Variants in DMD observed in about 807,000 individuals in gnomAD.
The protein encoded by DMD is dystrophin, also known as mutant dystrophin.
In DMD, 63 loss-of-function variants were observed where a neutral mutation model predicts 330.1. That is an observed-to-expected ratio of 0.19 (90% CI 0.16 to 0.24). DMD has a LOEUF of 0.24. DMD is among the 10% of genes least tolerant of loss of function. The probability of loss-of-function intolerance (pLI) is 1.00; values close to 1 mark genes in which losing one functional copy is unlikely to be tolerated. For synonymous variants in DMD, 1,223 were observed against 959.8 expected (o/e 1.27, Z -5.07); for missense variants, 3,344 against 2,684.1 (o/e 1.25, Z -5.43).
Position 32,180,820 on chromosome X carries a change from A to T in DMD, c.6438+36096T>A, listed in dbSNP as rs780678198. ...TTATAAAACAATCAGATCTTGTGAG[A>T]ACTCACTCACTATCAGGAGAACAGC... On this transcript the variant is annotated intron_variant, in intron 44 of 78. Transcript: ENST00000357033. Among the ~76,000 whole-genome samples the T allele has an allele frequency of 6.3e-5, 7 of 110,925 alleles. No homozygotes were observed. In the South Asian group the frequency reaches 2.7e-3, roughly 43 times the overall value.
intron 17 of DMD, among the ~76,000 whole-genome samples, chrX:32,538,250 A>G (rs1344785423): frequency 8.9e-6 from 1 of 112,021 alleles, no homozygotes; most frequent in Non-Finnish European, 1.9e-5. Flanking sequence ...GAATCACAAA[A>G]GAAGTGAAAA....
intron 18 of DMD, among the ~76,000 whole-genome samples, chrX:32,505,636 G>A (rs1368865674): frequency 1.8e-5 from 2 of 111,976 alleles, no homozygotes; most frequent in African/African-American, 6.5e-5. Flanking sequence ...TCTACTATAT[G>A]ATCCAGCAAT....
intron 7 of DMD, among the ~76,000 whole-genome samples, chrX:32,787,213 A>AGTTT (rs1557030448): frequency 3.6e-5 from 3 of 83,379 alleles, no homozygotes; most frequent in African/African-American, 9.2e-5. Flanking sequence ...CTCTCTGTCA[A>AGTTT]GTGTGTGTGT....
At chrX:32,991,325 A>G (rs2092968370) in intron 2 of DMD, among the ~76,000 whole-genome samples, 1 of 111,777 alleles carries the variant, frequency 8.9e-6, no homozygotes, top group African/African-American at 3.2e-5. Context: ...TGGAGCATAA[A>G]CAATACACGC....
At chrX:32,929,407 G>A (rs2146671741) in intron 2 of DMD, among the ~76,000 whole-genome samples, 1 of 94,833 alleles carries the variant, frequency 1.1e-5, no homozygotes, top group Admixed American at 1.2e-4. Flanking sequence ...GCTGGAAAGA[G>A]GACATGACCA....
intron 1 of DMD, among the ~76,000 whole-genome samples, chrX:33,285,991 G>T (rs186741284): frequency 9.0e-6 from 1 of 111,633 alleles, no homozygotes; most frequent in Admixed American, 9.6e-5. Context: ...TTAAAAATCA[G>T]GTATATTCTA....
At chrX:32,025,094 T>A (rs767343278) in intron 44 of DMD, among the ~76,000 whole-genome samples, 2 of 111,434 alleles carry the variant, frequency 1.8e-5, no homozygotes, top group Non-Finnish European at 3.8e-5. Context: ...CAAGTCAATA[T>A]CAAGTAGAAC....
At chrX:32,880,050 T>C (rs906236022) in intron 2 of DMD, among the ~76,000 whole-genome samples, 1 of 111,415 alleles carries the variant, frequency 9.0e-6, no homozygotes, top group Non-Finnish European at 1.9e-5. Flanking sequence ...CTTCCTGGTT[T>C]TTTTGAACAC....
intron 47 of DMD, among the ~76,000 whole-genome samples, chrX:31,889,480 T>C (rs2094202852): frequency 1.8e-5 from 2 of 110,221 alleles, no homozygotes; most frequent in South Asian, 7.8e-4. Context: ...CTAAAATGGA[T>C]TTTATAGGGA....
chrX:31,342,076 T>A (rs1367594789), intron 61 of DMD, among the ~76,000 whole-genome samples: 2 of 111,303 alleles, frequency 1.8e-5, no homozygotes, highest in Non-Finnish European at 3.8e-5. Flanking sequence ...GATTTTAGGA[T>A]TTGCTAATGA....
rs1204855073 is a variant in DMD, at chrX:31,237,641, GT to G, written c.9287-14521del. Among the ~76,000 whole-genome samples, 3 of 112,259 alleles carry G rather than the reference GT, an allele frequency of 2.7e-5. No individual in the cohort carries two copies. The Admixed American group carries it at 2.8e-4, about 11-fold the overall frequency. ...AATAAAGGATGCCTGAAGCGTTCCT[GT>G]TTACCCTCTGTGTATCTGGACAATA... is the stretch of plus-strand genomic sequence containing the variant. On this transcript the variant is annotated intron_variant, in intron 63 of 78. Transcript: ENST00000357033.
chrX:31,607,699 C>T (rs1173527968), intron 55 of DMD, among the ~76,000 whole-genome samples: 1 of 111,782 alleles, frequency 8.9e-6, no homozygotes, highest in African/African-American at 3.2e-5. Context: ...TAAAGAAATA[C>T]CAATTTCAAA....
intron 57 of DMD, among the ~76,000 whole-genome samples, chrX:31,481,852 G>A (rs771225141): frequency 9.0e-6 from 1 of 111,618 alleles, no homozygotes; most frequent in South Asian, 3.8e-4. Context: ...GACATTTCCA[G>A]ATTGTAAAAC....
intron 44 of DMD, among the ~76,000 whole-genome samples, chrX:32,079,454 G>A (rs1310449875): frequency 1.8e-5 from 2 of 110,639 alleles, no homozygotes; most frequent in Non-Finnish European, 3.8e-5. Context: ...AATCAGCTGG[G>A]CCTGGTGGTG....
Position 32,081,854 on chromosome X carries a change from A to G in DMD, c.6439-113340T>C, listed in dbSNP as rs140902097. Among the ~76,000 whole-genome samples, 651 of 109,096 alleles carry G rather than the reference A, an allele frequency of 6.0e-3. 3 individuals carry two copies. Among genetic ancestry groups the G allele is most frequent in the African/African-American group, 0.021 (633 of 29,568 alleles). The allele number at this position is 109,096 out of a possible 115,157, so 94.7% of individuals were successfully genotyped here. The stretch of plus-strand genomic sequence containing the variant: ...GGACAACGAGAGCAAAATTCTGTCT[A>G]AAATAATAATAATAATAATAATAAC... On this transcript the variant is annotated intron_variant, in intron 44 of 78. Transcript: ENST00000357033.
intron 60 of DMD, among the ~76,000 whole-genome samples, chrX:31,384,251 C>T (rs886252571): frequency 9.0e-6 from 1 of 111,022 alleles, no homozygotes; most frequent in African/African-American, 3.3e-5. Context: ...CTGCCAGCAC[C>T]GAAGCGGCTA....
intron 44 of DMD, among the ~76,000 whole-genome samples, chrX:32,210,512 G>A (rs1439142987): frequency 1.8e-5 from 2 of 111,653 alleles, no homozygotes; most frequent in African/African-American, 6.5e-5. Flanking sequence ...GCAGCCAGCT[G>A]GTGAAATCAC....
intron 29 of DMD, among the ~76,000 whole-genome samples, chrX:32,434,072 T>C (rs1015848050): frequency 1.2e-4 from 13 of 112,137 alleles, no homozygotes; most frequent in Non-Finnish European, 1.9e-5. Flanking sequence ...AAATTAGGGA[T>C]GGGATCTAGC....
At chrX:32,483,820 C>CAAAAAAAA (rs770119472) in intron 21 of DMD, among the ~76,000 whole-genome samples, 15 of 37,235 alleles carry the variant, frequency 4.0e-4, no homozygotes, top group Admixed American at 8.5e-4. Context: ...CTCTGAAGTA[C>CAAAAAAAA]AAAAAAAAAA....
Sources: gnomAD v4.1 joint callset for allele counts (sites outside exome capture counted in the v4.1 genomes callset) on GRCh38, gnomAD v4.1.1 for gene constraint, MANE v1.5 for transcripts, NCBI Gene and HGNC (gene_info 2026-07-23, HGNC 2026-07-21) for gene names.